UQCR11: variants seen among roughly 807,000 people sequenced by gnomAD.
UQCR11 encodes the protein ubiquinol-cytochrome c reductase, complex III subunit XI.
Under a neutral mutation model 7.6 loss-of-function variants are expected in UQCR11, and 10 were observed. The ratio of observed to expected loss-of-function variants is 1.31; its 90% confidence interval spans 0.81 to 2.22. The LOEUF is 2.22. Among genes scored for constraint, UQCR11 ranks in the 30% most tolerant of loss-of-function variants. UQCR11 has a pLI of 0.00. For missense variants in UQCR11, 86 were observed against 75.1 expected (o/e 1.15, Z -0.54); for synonymous variants, 34 against 34.9 (o/e 0.97, Z 0.09).
chr19:1,600,127 G>A (rs944975601), intron 1 of UQCR11, among the ~76,000 whole-genome samples: 1 of 152,160 alleles, frequency 6.6e-6, no homozygotes, highest in Non-Finnish European at 1.5e-5. Flanking sequence ...TTCTAGGAAG[G>A]CCCAGCAGAT....
chr19:1,600,429 G>A (rs2060744066), intron 1 of UQCR11, among the ~76,000 whole-genome samples: 1 of 152,082 alleles, frequency 6.6e-6, no homozygotes, highest in South Asian at 2.1e-4. Context: ...TAGCCAGGAT[G>A]GTCTCAATCT....
chr19:1,603,876 G>A (rs950410323), intron 1 of UQCR11, among the ~76,000 whole-genome samples: 1 of 152,142 alleles, frequency 6.6e-6, no homozygotes, highest in African/African-American at 2.4e-5. Flanking sequence ...CCCTGTCCCC[G>A]ACCTGTCCCC....
intron 1 of UQCR11, among the ~76,000 whole-genome samples, chr19:1,603,699 G>A (rs1368377196): frequency 2.0e-5 from 3 of 152,214 alleles, no homozygotes; most frequent in Non-Finnish European, 4.4e-5. Context: ...GAACACAGAA[G>A]AAGCAGACCT....
chr19:1,605,461 C>T lies in UQCR11; in HGVS notation c.-52G>A, dbSNP rs529927586. The T allele has an allele frequency of 7.2e-6, 10 of 1,390,304 alleles. No homozygotes were observed. The East Asian group carries it at 1.5e-4, about 20-fold the overall frequency. The allele number at this position is 1,390,304 out of a possible 1,614,324, so 86.1% of individuals were successfully genotyped here. On this transcript the variant is annotated 5_prime_UTR_variant, in exon 1 of 3. The change creates a new upstream start codon in the 5' untranslated region. Transcript: ENST00000591899. ...ACCCTGTCCAGCTGACCCGGCTACA[C>T]TGCGCAGGCGCGGCCGCGGCGCGCA...
chr19:1,604,616 C>T (rs1458869124), intron 1 of UQCR11, among the ~76,000 whole-genome samples: 1 of 152,164 alleles, frequency 6.6e-6, no homozygotes, highest in Non-Finnish European at 1.5e-5. Context: ...CAACCTCCTC[C>T]TCCCGGGTTC....
chr19:1,599,452 C>T lies in UQCR11; in HGVS notation c.159G>A (p.Lys53=), dbSNP rs776705900. Residue 53 remains lysine, a synonymous_variant, in exon 2 of 3, where the codon AAG becomes AAA. Coordinates refer to ENST00000591899, the MANE Select transcript of UQCR11 (RefSeq NM_006830.4). ...AGGGTTTGTGTAATTAATTATCCTT[C>T]TTAAACTTGCCATTGATGTAAGGTA... ...DWVPYINGKF[K]KDN 3.5e-5 allele frequency: 56 copies of T among 1,613,776 alleles called. No homozygotes were observed. The highest frequency in any genetic ancestry group is 4.7e-5 in the Non-Finnish European group (55 of 1,180,010).
chr19:1,602,451 T>C (rs1386741159), intron 1 of UQCR11: 1 of 152,066 alleles, frequency 6.6e-6, no homozygotes. Context: ...TATTTATTTA[T>C]TTATTTATTA....
chr19:1,599,535 C>T lies in UQCR11; in HGVS notation c.76G>A (p.Ala26Thr), dbSNP rs773886090. 3.3e-5 allele frequency: 54 copies of T among 1,612,196 alleles called. No homozygotes were observed. Among genetic ancestry groups the T allele is most frequent in the Admixed American group, 6.7e-5 (4 of 60,008 alleles). The change falls in exon 2 of 3, where the codon GCT becomes ACT. Residue 26 changes from alanine to threonine, a missense_variant. Physicochemically the swap from Ala to Thr is moderately conservative, Grantham distance 58 (BLOSUM62 0). Coordinates refer to ENST00000591899, the MANE Select transcript of UQCR11 (RefSeq NM_006830.4). ...NWVPTAYTWG[A>T]VGAVGLVWAT... ...CACACCAGCCCCACGGCGCCCACAG[C>T]GCCCCATGTGTAGGCCGTCGGGACC...
intron 1 of UQCR11, among the ~76,000 whole-genome samples, chr19:1,603,280 T>A (rs2060752405): frequency 6.6e-6 from 1 of 152,234 alleles, no homozygotes; most frequent in Non-Finnish European, 1.5e-5. Context: ...TTCGGTCTAT[T>A]GGCGCGTCCC....
At chr19:1,602,123 C>G (rs1346796211) in intron 1 of UQCR11, 1 of 152,252 alleles carries the variant, frequency 6.6e-6, no homozygotes, top group Non-Finnish European at 1.5e-5. Context: ...GATCGTGCCA[C>G]TGCACTCTAG....
chr19:1,599,423 G>A lies in UQCR11; in HGVS notation c.*17C>T. ...CCACTGAAACTTACCAGAGCAGTCTGTGAAGGGTTTGTGTAATTAATTATC... is the reference window on the plus strand; with the variant it reads ...CCACTGAAACTTACCAGAGCAGTCTATGAAGGGTTTGTGTAATTAATTATC... On this transcript the variant is annotated 3_prime_UTR_variant, in exon 2 of 3. Transcript: ENST00000591899. The A allele has an allele frequency of 6.2e-7, 1 of 1,613,226 alleles. No individual in the cohort carries two copies. Among genetic ancestry groups the A allele is most frequent in the Non-Finnish European group, 8.5e-7 (1 of 1,179,816 alleles).
At position 1,599,470 on chromosome 19, in the gene UQCR11, G is replaced by A. The variant is rs759230920; in HGVS notation, c.141C>T (p.Tyr47=). Residue 47 remains tyrosine (Y), a synonymous_variant, in exon 2 of 3, where the codon TAC becomes TAT. Coordinates refer to ENST00000591899, the MANE Select transcript of UQCR11 (RefSeq NM_006830.4). The part of the protein sequence containing the change: ...DWRLILDWVP[Y]INGKFKKDN ...TATCCTTCTTAAACTTGCCATTGATGTAAGGTACCCAGTCCAGGATCAGCC... is the reference window on the plus strand; with the variant it reads ...TATCCTTCTTAAACTTGCCATTGATATAAGGTACCCAGTCCAGGATCAGCC... The A allele has an allele frequency of 3.1e-6, 5 of 1,613,746 alleles. No homozygotes were observed. In the Admixed American group the frequency reaches 5.0e-5, roughly 16 times the overall value.
intron 1 of UQCR11, among the ~76,000 whole-genome samples, chr19:1,603,563 C>T (rs1447220972): frequency 6.6e-6 from 1 of 152,084 alleles, no homozygotes; most frequent in African/African-American, 2.4e-5. Context: ...GCCGAGATTG[C>T]GCCACTGCAC....
Position 1,605,415 on chromosome 19 carries a change from C to T in UQCR11, c.-6G>A. Reference sequence around the variant, plus strand: ...CCCAGGAACCGGGTCACCATCGCGGCGGAGTCGCACCCTCAGGATGACCCT... The same window carrying T: ...CCCAGGAACCGGGTCACCATCGCGGTGGAGTCGCACCCTCAGGATGACCCT... On this transcript the variant is annotated 5_prime_UTR_variant, in exon 1 of 3. Transcript: ENST00000591899. 1 of 1,464,486 alleles carries T rather than the reference C, an allele frequency of 6.8e-7. No individual in the cohort carries two copies. Among genetic ancestry groups the T allele is most frequent in the Non-Finnish European group, 9.1e-7 (1 of 1,096,924 alleles). 90.7% of individuals were successfully genotyped at this position (1,464,486 alleles called of 1,614,324 possible).
At chr19:1,599,629 C>A in intron 1 of UQCR11, 69 bp from the exon 2 acceptor site, 1 of 1,581,984 alleles carries the variant, frequency 6.3e-7, no homozygotes, top group South Asian at 1.1e-5. Context: ...CTGCCCACCC[C>A]GGCCCCCCGT....
intron 2 of UQCR11, among the ~76,000 whole-genome samples, chr19:1,598,539 T>C (rs955593914): frequency 6.7e-6 from 1 of 148,802 alleles, no homozygotes; most frequent in Non-Finnish European, 1.5e-5. Flanking sequence ...AGCCAAACTC[T>C]GTCTCAAAAA....
At chr19:1,599,784 G>C (rs542637304) in intron 1 of UQCR11, among the ~76,000 whole-genome samples, 1 of 152,256 alleles carries the variant, frequency 6.6e-6, no homozygotes, top group Non-Finnish European at 1.5e-5. Context: ...CTGCTGGGGT[G>C]GGAGTGGAGC....
chr19:1,605,091 C>T (rs753875785), intron 1 of UQCR11, among the ~76,000 whole-genome samples: 8 of 152,254 alleles, frequency 5.3e-5, no homozygotes, highest in Non-Finnish European at 1.0e-4. Flanking sequence ...TTCGGATCCC[C>T]CGGTAGAGAT....
At position 1,599,420 on chromosome 19, in the gene UQCR11, T is replaced by A. The variant is rs1376264479; in HGVS notation, c.*20A>T. ...AGCCCACTGAAACTTACCAGAGCAG[T>A]CTGTGAAGGGTTTGTGTAATTAATT... is the stretch of plus-strand genomic sequence containing the variant. On this transcript the variant is annotated 3_prime_UTR_variant, in exon 2 of 3. Transcript: ENST00000591899. 12 of 1,612,988 alleles carry A rather than the reference T, an allele frequency of 7.4e-6. No homozygotes were observed. The highest frequency in any genetic ancestry group is 2.2e-5 in the East Asian group (1 of 44,872).
Sources: gnomAD v4.1 joint callset for allele counts (sites outside exome capture counted in the v4.1 genomes callset) on GRCh38, gnomAD v4.1.1 for gene constraint, MANE v1.5 for transcripts, NCBI Gene and HGNC (gene_info 2026-07-23, HGNC 2026-07-21) for gene names.